Variants in SFRP4 observed in about 807,000 individuals in gnomAD.
SFRP4 encodes secreted frizzled related protein 4.
In SFRP4, 25 loss-of-function variants were observed where a neutral mutation model predicts 36.3. That is an observed-to-expected ratio of 0.69 (90% CI 0.50 to 0.96). SFRP4 has a LOEUF of 0.96. SFRP4 is among the 40% of genes least tolerant of loss of function. The probability of loss-of-function intolerance (pLI) is 0.00; values close to 1 mark genes in which losing one functional copy is unlikely to be tolerated. For missense variants in SFRP4, 487 were observed against 459.6 expected (o/e 1.06, Z -0.54); for synonymous variants, 182 against 168.8 (o/e 1.08, Z -0.60).
Position 37,906,430 on chromosome 7 carries a change from C to T in SFRP4, c.*1049G>A, listed in dbSNP as rs1294124564. On this transcript the variant is annotated 3_prime_UTR_variant, in exon 6 of 6. Transcript: ENST00000436072. ...AGTTCTTTTTTTCTGATTAAAGTAT[C>T]CCAACTGTCAAGTAATTCTCATTTC... 1 of 152,142 alleles carries T rather than the reference C, an allele frequency of 6.6e-6. No homozygotes were observed. Among genetic ancestry groups the T allele is most frequent in the Non-Finnish European group, 1.5e-5 (1 of 68,024 alleles). The allele number at this position is 152,142 out of a possible 1,614,324, so 9.4% of individuals were successfully genotyped here.
intron 3 of SFRP4, among the ~76,000 whole-genome samples, chr7:37,913,305 G>T (rs1365693497): frequency 6.6e-6 from 1 of 152,022 alleles, no homozygotes; most frequent in African/African-American, 2.4e-5. Flanking sequence ...ACATTTCTGT[G>T]ATCCTCCTAC....
At position 37,907,519 on chromosome 7, in the gene SFRP4, G is replaced by A. The variant is rs776627017; in HGVS notation, c.1001C>T (p.Thr334Ile). The A allele has an allele frequency of 2.5e-6, 4 of 1,613,818 alleles. No homozygotes were observed. In the African/African-American group the frequency reaches 5.3e-5, roughly 22 times the overall value. ...KPASPKKNIK[T>I]RSAQKRTNPK... Reference sequence around the variant, plus strand: ...GTTTGTTCTCTTCTGGGCACTCCTAGTTTTAATGTTCTTCTTGGGACTGGC... The same window carrying A: ...GTTTGTTCTCTTCTGGGCACTCCTAATTTTAATGTTCTTCTTGGGACTGGC... Residue 334 changes from threonine (T) to isoleucine (I), a missense_variant, in exon 6 of 6, where the codon ACT becomes ATT. Transcript: ENST00000436072.
intron 4 of SFRP4, among the ~76,000 whole-genome samples, chr7:37,911,386 A>C (rs1485519143): frequency 1.3e-5 from 2 of 152,166 alleles, no homozygotes; most frequent in East Asian, 3.8e-4. Context: ...TGTAAAACTG[A>C]GTGATTTTGC....
chr7:37,909,041 G>A (rs1286441072), intron 5 of SFRP4, among the ~76,000 whole-genome samples: 1 of 152,060 alleles, frequency 6.6e-6, no homozygotes, highest in Non-Finnish European at 1.5e-5. Flanking sequence ...GGTGTCTTTA[G>A]ATTGGTATAA....
chr7:37,909,729 A>G (rs760464463), intron 4 of SFRP4, 49 bp from the exon 5 acceptor site: 2 of 1,050,744 alleles, frequency 1.9e-6, no homozygotes. Context: ...AAAAGTAAAC[A>G]GCTAAAAATA....
At chr7:37,915,442 T>G (rs1033455235) in intron 1 of SFRP4, among the ~76,000 whole-genome samples, 1 of 152,226 alleles carries the variant, frequency 6.6e-6, no homozygotes. Flanking sequence ...ATTCCTAGGT[T>G]TCATTTCAAG....
intron 4 of SFRP4, 25 bp downstream of exon 4, chr7:37,912,094 G>A: frequency 6.3e-7 from 1 of 1,578,574 alleles, no homozygotes; most frequent in Non-Finnish European, 8.7e-7. Context: ...TGTGCATACA[G>A]TTCCTTCTGC....
chr7:37,914,047 T>G, intron 3 of SFRP4, among the ~76,000 whole-genome samples, 166 bp downstream of exon 3: 1 of 152,248 alleles, frequency 6.6e-6, no homozygotes, highest in East Asian at 1.9e-4. Context: ...ATTTTGCAGT[T>G]GTTATTGTGC....
chr7:37,912,542 T>C (rs1562850378), intron 3 of SFRP4, among the ~76,000 whole-genome samples: 1 of 152,332 alleles, frequency 6.6e-6, no homozygotes, highest in South Asian at 2.1e-4. Context: ...TACTGCAAGA[T>C]AGGAAAGCAA....
rs762459445 is a variant in SFRP4 at position 37,916,042 on chromosome 7, C to T, written c.445+51G>A. On this transcript the variant is annotated intron_variant, in intron 1 of 5. Coordinates refer to ENST00000436072, the MANE Select transcript of SFRP4 (RefSeq NM_003014.4). This position sits in a 1 kb window ranked among gnomAD's most constrained non-coding sequence, Gnocchi z 4.1. ...TGGCCGCCCAGTTCTCGATTGGCAG[C>T]CACAGCCCCGGGCGCCTCCTCGCCT... 1 of 1,564,230 alleles carries T rather than the reference C, an allele frequency of 6.4e-7. No individual in the cohort carries two copies. The highest frequency in any genetic ancestry group is 1.3e-5 in the African/African-American group (1 of 74,196).
chr7:37,915,225 A>G (rs916559724), intron 1 of SFRP4, among the ~76,000 whole-genome samples: 3 of 152,222 alleles, frequency 2.0e-5, no homozygotes, highest in African/African-American at 7.2e-5. Context: ...TTATTTATAT[A>G]ATTTAAACAA....
chr7:37,915,223 A>T (rs990791021), intron 1 of SFRP4, among the ~76,000 whole-genome samples: 1 of 152,236 alleles, frequency 6.6e-6, no homozygotes, highest in Non-Finnish European at 1.5e-5. Flanking sequence ...TATTATTTAT[A>T]TAATTTAAAC....
At chr7:37,909,255 C>T (rs1785443829) in intron 5 of SFRP4, among the ~76,000 whole-genome samples, 1 of 152,136 alleles carries the variant, frequency 6.6e-6, no homozygotes, top group Non-Finnish European at 1.5e-5. Flanking sequence ...CTAGATATTT[C>T]ACCCCTCCAA....
In SFRP4 at chr7:37,916,031, T is replaced by C; in HGVS notation, c.445+62A>G. The stretch of plus-strand genomic sequence containing the variant: ...AGCCTTAGGTGTGGCCGCCCAGTTC[T>C]CGATTGGCAGCCACAGCCCCGGGCG... On this transcript the variant is annotated intron_variant, in intron 1 of 5. Coordinates refer to ENST00000436072, the MANE Select transcript of SFRP4 (RefSeq NM_003014.4). The surrounding 1 kb of genome is among the most constrained non-coding windows in gnomAD (Gnocchi z 4.1). 1 of 1,553,544 alleles carries C rather than the reference T, an allele frequency of 6.4e-7. No individual in the cohort carries two copies. Among genetic ancestry groups the C allele is most frequent in the Non-Finnish European group, 8.7e-7 (1 of 1,148,036 alleles).
chr7:37,913,257 T>A (rs945664733), intron 3 of SFRP4, among the ~76,000 whole-genome samples: 1 of 152,238 alleles, frequency 6.6e-6, no homozygotes, highest in Non-Finnish European at 1.5e-5. Flanking sequence ...TTCTTAAATC[T>A]GATAGTTTTG....
rs1802073 is a variant in SFRP4 at position 37,907,562 on chromosome 7, G to T, written c.958C>A (p.Pro320Thr). Residue 320 changes from proline to threonine, a missense_variant, in exon 6 of 6, where the codon CCT (proline) becomes ACT (threonine). Pro to Thr is a conservative substitution (Grantham distance 38). Transcript: ENST00000436072. Reference protein sequence around the residue: ...RSNPPKPKGKPPAPKPASPKK... With the variant: ...RSNPPKPKGKTPAPKPASPKK... ...GGACTGGCTGGTTTGGGAGCAGGAG[G>T]CTTTCCCTTTGGTTTGGGGGGATTA... is the stretch of plus-strand genomic sequence containing the variant. 0.41 allele frequency: 653,179 copies of T among 1,612,272 alleles called. 135,524 individuals are homozygous for T. Among genetic ancestry groups the T allele is most frequent in the African/African-American group, 0.58 (43,223 of 74,778 alleles).
rs773048077 is a variant in SFRP4, at chr7:37,916,318, G to A, written c.220C>T (p.Arg74Cys). 5 of 1,614,240 alleles carry A rather than the reference G, an allele frequency of 3.1e-6. No homozygotes were observed. The highest frequency in any genetic ancestry group is 2.2e-5 in the South Asian group (2 of 91,082). The change falls in exon 1 of 6, where the codon CGC becomes TGC. Residue 74 changes from arginine to cysteine, a missense_variant. Transcript: ENST00000436072. The surrounding 1 kb of genome is among the most constrained non-coding windows in gnomAD (Gnocchi z 4.1). ...GCGTACATGGCACAGAGGAAGAAGCGCAGCACGGCGCTGCAGTTCACGTCC... is the reference window on the plus strand; with the variant it reads ...GCGTACATGGCACAGAGGAAGAAGCACAGCACGGCGCTGCAGTTCACGTCC... Reference protein sequence around the residue: ...LVDVNCSAVLRFFLCAMYAPI... With the variant: ...LVDVNCSAVLCFFLCAMYAPI...
At position 37,914,207 on chromosome 7, in the gene SFRP4, A is replaced by G. The variant is rs776987898; in HGVS notation, c.592+6T>C. On this transcript the variant is annotated splice_donor_region_variant and intron_variant, in intron 3 of 5. Transcript: ENST00000436072. ...CAAAAGTAAATGGCTTTAACAGACG[A>G]CTTACCATAGCTGTAGTTTTTGCTG... 1.2e-6 allele frequency: 2 copies of G among 1,611,694 alleles called. No individual in the cohort carries two copies. Among genetic ancestry groups the G allele is most frequent in the East Asian group, 2.2e-5 (1 of 44,874 alleles).
chr7:37,907,225 A>G lies in SFRP4; in HGVS notation c.*254T>C, dbSNP rs1379908480. The G allele has an allele frequency of 8.1e-6, 3 of 371,138 alleles. No homozygotes were observed. The highest frequency in any genetic ancestry group is 8.9e-5 in the East Asian group (2 of 22,460). 23.0% of individuals were successfully genotyped at this position (371,138 alleles called of 1,614,324 possible). On this transcript the variant is annotated 3_prime_UTR_variant, in exon 6 of 6. Coordinates refer to ENST00000436072, the MANE Select transcript of SFRP4 (RefSeq NM_003014.4). ...ATGCACACAGGTTACTCTGAATGCAATGCAATAAGCCTTTTCCACCAGCTT... is the reference window on the plus strand; with the variant it reads ...ATGCACACAGGTTACTCTGAATGCAGTGCAATAAGCCTTTTCCACCAGCTT...
Sources: allele counts gnomAD v4.1 joint callset (sites outside exome capture counted in the v4.1 genomes callset), GRCh38; gene constraint gnomAD v4.1.1; non-coding constraint Gnocchi (gnomAD v3.1); transcripts MANE v1.5; gene names NCBI Gene and HGNC (gene_info 2026-07-23, HGNC 2026-07-21).